BAIAP2: variants seen among roughly 807,000 people sequenced by gnomAD.
The protein encoded by BAIAP2 is BAR/IMD domain containing adaptor protein 2, also known as BAR/IMD domain-containing adapter protein 2.
Under a neutral mutation model 63.0 loss-of-function variants are expected in BAIAP2, and 18 were observed. The observed-to-expected ratio is 0.29, with a 90% confidence interval of 0.20 to 0.42. The LOEUF is 0.42. BAIAP2 is among the 10% of genes least tolerant of loss of function. The probability of loss-of-function intolerance (pLI) is 1.00; values close to 1 mark genes in which losing one functional copy is unlikely to be tolerated. For missense variants in BAIAP2, 610 were observed against 734.3 expected, an observed-to-expected ratio of 0.83 and a Z score of 1.96; for synonymous variants, 386 against 307.6, an observed-to-expected ratio of 1.25 and a Z score of -2.67.
At chr17:81,057,173 G>A (rs1003911716) in intron 2 of BAIAP2, among the ~76,000 whole-genome samples, 6 of 152,198 alleles carry the variant, frequency 3.9e-5, no homozygotes, top group Non-Finnish European at 8.8e-5. Flanking sequence ...AGGTCAGGGC[G>A]GGGCTCCCTG....
chr17:81,098,622 G>A (rs576101958), intron 6 of BAIAP2, among the ~76,000 whole-genome samples: 2 of 152,178 alleles, frequency 1.3e-5, no homozygotes, highest in East Asian at 1.9e-4. Context: ...TCGGTAGCTG[G>A]ATCTGGAAGC....
At chr17:81,081,040 G>A (rs1369904602) in intron 3 of BAIAP2, among the ~76,000 whole-genome samples, 1 of 152,212 alleles carries the variant, frequency 6.6e-6, no homozygotes, top group African/African-American at 2.4e-5. Flanking sequence ...ACAGGCTTGG[G>A]TGGGTTCCCC....
At chr17:81,088,075 C>T (rs558923786) in intron 6 of BAIAP2, among the ~76,000 whole-genome samples, 1 of 152,138 alleles carries the variant, frequency 6.6e-6, no homozygotes, top group South Asian at 2.1e-4. Context: ...TGTTTTTCTT[C>T]TTCCTCCCAC....
rs565225989 is a variant in BAIAP2, at chr17:81,112,103, C to T, written c.1535+3594C>T. 1.0e-4 allele frequency among the ~76,000 whole-genome samples: 16 copies of T among 152,382 alleles called. No individual in the cohort carries two copies. The East Asian group carries it at 3.1e-3, about 29-fold the overall frequency. ...GGGTTGGCCCTGGCCACCACCTTGC[C>T]TTCCGCCTCCATCTTCCTCCCTTCC... On this transcript the variant is annotated intron_variant, in intron 13 of 13. Transcript: ENST00000428708.
intron 13 of BAIAP2, chr17:81,110,014 T>C (rs554497203): frequency 2.0e-6 from 2 of 985,466 alleles, no homozygotes; most frequent in South Asian, 4.7e-5. Context: ...TGTGTCTTGG[T>C]GACTTTAGAA....
chr17:81,099,107 A>G (rs994521230), intron 6 of BAIAP2, among the ~76,000 whole-genome samples: 1 of 89,222 alleles, frequency 1.1e-5, no homozygotes, highest in Non-Finnish European at 2.3e-5. Context: ...TCACCTGGGC[A>G]CACCCTGTTC....
At position 81,115,838 on chromosome 17, in the gene BAIAP2, G is replaced by T; in HGVS notation, c.1604G>T (p.Ter535LeuextTer54). ...TNDRSAPLLS[*>L] The stretch of plus-strand genomic sequence containing the variant: ...GACAGGTCTGCCCCCCTCCTCAGCT[G>T]ATGGCCACATCTGCAGTGCTGCCCA... The change falls in exon 14 of 14, where the codon TGA (stop) becomes TTA (leucine). Residue 535 changes from the stop codon to leucine (L), a stop_lost. Coordinates refer to ENST00000428708, the MANE Select transcript of BAIAP2 (RefSeq NM_001144888.2). 1 of 1,613,354 alleles carries T rather than the reference G, an allele frequency of 6.2e-7. No individual in the cohort carries two copies. The highest frequency in any genetic ancestry group is 8.5e-7 in the Non-Finnish European group (1 of 1,180,006).
At chr17:81,045,499 T>C (rs895021510) in intron 1 of BAIAP2, among the ~76,000 whole-genome samples, 36 of 151,206 alleles carry the variant, frequency 2.4e-4, no homozygotes, top group African/African-American at 8.5e-4. Context: ...AAGGAGTCCC[T>C]GCACCTCGGG....
At chr17:81,086,653 C>A in intron 6 of BAIAP2, 73 bp downstream of exon 6, 1 of 1,568,704 alleles carries the variant, frequency 6.4e-7, no homozygotes, top group South Asian at 1.1e-5. Context: ...CCCCCTCGTC[C>A]ACAGGGAGTG....
Position 81,106,629 on chromosome 17 carries a change from G to C in BAIAP2, c.1338-116G>C, listed in dbSNP as rs2059215490. On this transcript the variant is annotated intron_variant, in intron 11 of 13. Coordinates refer to ENST00000428708, the MANE Select transcript of BAIAP2 (RefSeq NM_001144888.2). ...GGGCTGCCGCCTTGGCCTGAGAGCA[G>C]CCTCCCCGCATGTGGCGTGGGCTAG... The C allele has an allele frequency of 1.9e-5, 24 of 1,261,654 alleles. No individual in the cohort carries two copies. In the South Asian group the frequency reaches 3.3e-4, roughly 17 times the overall value. 78.2% of individuals were successfully genotyped at this position (1,261,654 alleles called of 1,614,324 possible).
At chr17:81,097,208 T>C (rs1264035718) in intron 6 of BAIAP2, among the ~76,000 whole-genome samples, 1 of 152,122 alleles carries the variant, frequency 6.6e-6, no homozygotes. Context: ...GCAAGCCCGT[T>C]GTTTTGAGGG....
At chr17:81,094,400 G>T (rs1279626804) in intron 6 of BAIAP2, among the ~76,000 whole-genome samples, 2 of 152,140 alleles carry the variant, frequency 1.3e-5, no homozygotes, top group African/African-American at 4.8e-5. Context: ...GAAAGCTCTG[G>T]GCCTTTTTCC....
At chr17:81,053,243 T>G in intron 1 of BAIAP2, 1 of 185,062 alleles carries the variant, frequency 5.4e-6, no homozygotes, top group Non-Finnish European at 1.1e-5. Flanking sequence ...AGCAGGATTT[T>G]AGTGGGAGGG....
At chr17:81,060,825 C>T (rs1445656910) in intron 3 of BAIAP2, among the ~76,000 whole-genome samples, 4 of 152,140 alleles carry the variant, frequency 2.6e-5, no homozygotes, top group African/African-American at 9.7e-5. Flanking sequence ...TCCTCCTCCT[C>T]CTCTACCTCC....
intron 1 of BAIAP2, chr17:81,036,070 G>C (rs1398915780): frequency 6.6e-6 from 1 of 152,280 alleles, no homozygotes; most frequent in Non-Finnish European, 1.5e-5. Context: ...TCACATCCAA[G>C]GGCCGCAGAG....
intron 1 of BAIAP2, among the ~76,000 whole-genome samples, chr17:81,050,166 C>T (rs2048434503): frequency 6.6e-6 from 1 of 152,202 alleles, no homozygotes. Context: ...CGGCTGGATG[C>T]AGATGCAGAA....
rs370558964 is a variant in BAIAP2, at chr17:81,116,738, C to CTGTT, written c.*912_*915dup. 600 of 203,846 alleles carry CTGTT rather than the reference C, an allele frequency of 2.9e-3. 4 individuals are homozygous for CTGTT. The highest frequency in any genetic ancestry group is 0.013 in the African/African-American group (563 of 43,966). 12.6% of individuals were successfully genotyped at this position (203,846 alleles called of 1,614,324 possible). A position where few individuals can be genotyped will look rare whatever the true frequency, so the allele number is the denominator to read the frequency against. ...ATTAGCAGATTTGTGCTCTTCCATA[C>CTGTT]TGTTTGTTTGTTTGTTAGGTGAAAT... On this transcript the variant is annotated 3_prime_UTR_variant, in exon 14 of 14. Transcript: ENST00000428708.
intron 7 of BAIAP2, 95 bp downstream of exon 7, chr17:81,100,175 G>C: frequency 7.0e-7 from 1 of 1,432,172 alleles, no homozygotes. Flanking sequence ...TGAACACACC[G>C]GGGCAGTGTC....
intron 1 of BAIAP2, among the ~76,000 whole-genome samples, chr17:81,036,383 C>T (rs777056274): frequency 6.6e-6 from 1 of 152,126 alleles, no homozygotes; most frequent in African/African-American, 2.4e-5. Context: ...TGTTTCCTAA[C>T]CGGCTTGCAC....
Sources: allele counts gnomAD v4.1 joint callset (sites outside exome capture counted in the v4.1 genomes callset), GRCh38; gene constraint gnomAD v4.1.1; transcripts MANE v1.5; gene names NCBI Gene and HGNC (gene_info 2026-07-23, HGNC 2026-07-21).